Variants in EXOC4 observed in about 807,000 individuals in gnomAD.
EXOC4 encodes SEC8-like 1.
In EXOC4, 71 loss-of-function variants were observed where a neutral mutation model predicts 107.2. That is an observed-to-expected ratio of 0.66 (90% CI 0.55 to 0.81). The LOEUF (loss-of-function observed/expected upper bound fraction) is 0.81. Among genes scored for constraint, EXOC4 ranks in the 30% least tolerant of loss-of-function variants. The pLI is 0.00. For synonymous variants in EXOC4, 456 were observed against 441.2 expected (o/e 1.03, Z -0.42); for missense variants, 1,108 against 1,189.6 (o/e 0.93, Z 1.01).
intron 10 of EXOC4, among the ~76,000 whole-genome samples, chr7:133,687,049 G>C (rs930052368): frequency 3.3e-5 from 5 of 150,400 alleles, no homozygotes; most frequent in Non-Finnish European, 7.4e-5. Context: ...CTGTGTGTGT[G>C]TGTGATGGAA....
At chr7:134,069,387 G>A (rs1180419261), downstream of EXOC4, among the ~76,000 whole-genome samples, 7 of 84,918 alleles carry the variant, frequency 8.2e-5, no homozygotes, top group South Asian at 4.6e-4. Flanking sequence ...CTCCTTCTCC[G>A]CCTCTTCTCC....
intron 10 of EXOC4, among the ~76,000 whole-genome samples, chr7:133,666,615 G>T (rs995927745): frequency 6.6e-6 from 1 of 152,074 alleles, no homozygotes; most frequent in African/African-American, 2.4e-5. Flanking sequence ...CAGCTTTTTG[G>T]TAGCTGGTTG....
chr7:133,451,199 AT>A (rs1201080268), intron 7 of EXOC4, among the ~76,000 whole-genome samples: 5 of 146,898 alleles, frequency 3.4e-5, no homozygotes, highest in African/African-American at 5.0e-5. Flanking sequence ...GTGGGTCCAG[AT>A]TTTTTTTTGG....
In EXOC4 at chr7:133,370,072, G is replaced by C. The variant is rs563113761; in HGVS notation, c.1008-4756G>C. 8.9e-4 allele frequency among the ~76,000 whole-genome samples: 135 copies of C among 152,010 alleles called. 1 individual carries two copies. The highest frequency in any genetic ancestry group is 1.8e-3 in the Non-Finnish European group (121 of 67,898). ...CTCCCGAAGTGCTGGGATTACAGGC[G>C]TGAGCCACTGTGCCTGGCCTCCTTC... On this transcript the variant is annotated intron_variant, in intron 6 of 17. Transcript: ENST00000253861.
chr7:133,855,198 G>GT (rs1467557421), intron 11 of EXOC4, among the ~76,000 whole-genome samples: 1 of 144,212 alleles, frequency 6.9e-6, no homozygotes, highest in Non-Finnish European at 1.5e-5. Context: ...GTGGACAGTT[G>GT]TTTTTCATGT....
chr7:133,374,744 T>C (rs1796449729), intron 6 of EXOC4, 84 bp from the exon 7 acceptor site: 1 of 1,090,392 alleles, frequency 9.2e-7, no homozygotes, highest in Non-Finnish European at 1.3e-6. Context: ...CTACTTTAGT[T>C]TGATGTTTTT....
At chr7:133,666,899 G>A (rs1554380536) in intron 10 of EXOC4, among the ~76,000 whole-genome samples, 1 of 151,944 alleles carries the variant, frequency 6.6e-6, no homozygotes, top group Non-Finnish European at 1.5e-5. Context: ...TTAAATTTTT[G>A]TTTATTTAGA....
At chr7:133,860,472 C>T (rs1798509464) in intron 11 of EXOC4, among the ~76,000 whole-genome samples, 1 of 152,170 alleles carries the variant, frequency 6.6e-6, no homozygotes, top group African/African-American at 2.4e-5. Flanking sequence ...CTACTGGTGA[C>T]TCCAGAGATG....
chr7:133,933,795 CT>C (rs1383990470), intron 13 of EXOC4, among the ~76,000 whole-genome samples: 3 of 152,182 alleles, frequency 2.0e-5, no homozygotes, highest in Non-Finnish European at 4.4e-5. Flanking sequence ...ACCCAATGTC[CT>C]CCAGTTTTAT....
In EXOC4 at chr7:133,937,989, C is replaced by T; in HGVS notation, c.2126C>T (p.Ala709Val). The T allele has an allele frequency of 6.2e-7, 1 of 1,614,154 alleles. No individual in the cohort carries two copies. Among genetic ancestry groups the T allele is most frequent in the Non-Finnish European group, 8.5e-7 (1 of 1,180,040 alleles). The change falls in exon 14 of 18, where the codon GCC becomes GTC. Residue 709 changes from alanine to valine, a missense_variant. Transcript: ENST00000253861. ...DILRDVSDLK[A>V]LANMHESLEW... ...CTTCGTGACGTCAGTGACCTCAAAG[C>T]CTTGGCCAACATGCATGAAAGCCTG...
intron 7 of EXOC4, among the ~76,000 whole-genome samples, chr7:133,443,966 C>T (rs191339538): frequency 6.2e-4 from 95 of 152,214 alleles, no homozygotes; most frequent in African/African-American, 2.1e-3. Context: ...ACTGACAGAC[C>T]GCAGGAACTA....
intron 11 of EXOC4, among the ~76,000 whole-genome samples, chr7:133,823,698 C>G (rs1797580323): frequency 6.7e-6 from 1 of 148,788 alleles, no homozygotes; most frequent in African/African-American, 2.5e-5. Flanking sequence ...TACCTGTAGT[C>G]TCAGCTACTT....
intron 17 of EXOC4, among the ~76,000 whole-genome samples, chr7:134,057,730 A>G (rs1014231881): frequency 6.6e-6 from 1 of 152,122 alleles, no homozygotes; most frequent in Non-Finnish European, 1.5e-5. Context: ...AAGAAAAACA[A>G]CATCAGCTAA....
At chr7:133,704,739 T>C (rs968303981) in intron 10 of EXOC4, among the ~76,000 whole-genome samples, 2 of 152,150 alleles carry the variant, frequency 1.3e-5, no homozygotes, top group African/African-American at 4.8e-5. Context: ...GGGAGGGTAA[T>C]TTGTTCCTTG....
intron 10 of EXOC4, among the ~76,000 whole-genome samples, chr7:133,790,361 C>T (rs762858457): frequency 2.0e-5 from 3 of 152,248 alleles, no homozygotes; most frequent in Non-Finnish European, 4.4e-5. Context: ...GTCCAACCCA[C>T]TGGGGGCACT....
intron 14 of EXOC4, among the ~76,000 whole-genome samples, chr7:133,939,257 T>G (rs1800373149): frequency 6.6e-6 from 1 of 152,172 alleles, no homozygotes. Context: ...GTATTATTAC[T>G]TGATTAACCA....
At chr7:133,298,138 G>C (rs891538882) in intron 3 of EXOC4, among the ~76,000 whole-genome samples, 4 of 152,160 alleles carry the variant, frequency 2.6e-5, no homozygotes, top group African/African-American at 9.7e-5. Flanking sequence ...TGTTAAAGAA[G>C]TCTATTTTCT....
At chr7:133,892,825 T>C (rs1799225195) in intron 11 of EXOC4, among the ~76,000 whole-genome samples, 1 of 145,500 alleles carries the variant, frequency 6.9e-6, no homozygotes, top group Admixed American at 6.7e-5. Context: ...TTACATTTGC[T>C]GAGGAGAGCT....
chr7:133,525,117 G>C (rs1194270104), intron 9 of EXOC4, among the ~76,000 whole-genome samples: 2 of 152,116 alleles, frequency 1.3e-5, no homozygotes, highest in East Asian at 3.9e-4. Flanking sequence ...ATGGTTCTTG[G>C]AGTGCTTCAT....
Sources: gnomAD v4.1 joint callset for allele counts (sites outside exome capture counted in the v4.1 genomes callset) on GRCh38, gnomAD v4.1.1 for gene constraint, MANE v1.5 for transcripts, NCBI Gene and HGNC (gene_info 2026-07-23, HGNC 2026-07-21) for gene names.